CCDC57: variants seen among roughly 807,000 people sequenced by gnomAD.
CCDC57 encodes coiled-coil domain containing 57.
Under a neutral mutation model 118.9 loss-of-function variants are expected in CCDC57, and 118 were observed. That is an observed-to-expected ratio of 0.99 (90% CI 0.86 to 1.16). CCDC57 has a LOEUF of 1.16. Ranked by LOEUF, CCDC57 falls within the 50% of genes most tolerant of loss-of-function variation. The probability of loss-of-function intolerance (pLI) is 0.00; values close to 1 mark genes in which losing one functional copy is unlikely to be tolerated. For synonymous variants in CCDC57, 527 were observed against 532.9 expected (o/e 0.99, Z 0.15); for missense variants, 1,300 against 1,320.7 (o/e 0.98, Z 0.24).
rs540414564 is a variant in CCDC57 at position 82,192,409 on chromosome 17, G to A, written c.851+1347C>T. 6.6e-6 allele frequency among the ~76,000 whole-genome samples: 1 copy of A among 152,206 alleles called. No homozygotes were observed. Among genetic ancestry groups the A allele is most frequent in the Non-Finnish European group, 1.5e-5 (1 of 68,038 alleles). ...TTCTAAGTAGTTAAGTTTTTGGGGA[G>A]TGAAAAGTTATATGTGAATTTTTGA... On this transcript the variant is annotated intron_variant, in intron 7 of 19. Transcript: ENST00000665763. This position sits in a 1 kb window ranked among gnomAD's most constrained non-coding sequence, Gnocchi z 4.0.
intron 15 of CCDC57, 67 bp downstream of exon 14, chr17:82,157,681 C>A (rs1454756002): frequency 1.3e-6 from 2 of 1,515,272 alleles, no homozygotes; most frequent in African/African-American, 2.8e-5. Context: ...GCTGGCAGAG[C>A]ACAGGCAAGG....
chr17:82,113,996 A>G (rs1266640783), intron 19 of CCDC57, among the ~76,000 whole-genome samples: 1 of 152,166 alleles, frequency 6.6e-6, no homozygotes, highest in African/African-American at 2.4e-5. Flanking sequence ...TTGGTCTTGC[A>G]GCTATGTTGG....
chr17:82,103,306 G>GTCACACAT (rs1352123102), intron 19 of CCDC57, among the ~76,000 whole-genome samples: 2 of 152,022 alleles, frequency 1.3e-5, no homozygotes, highest in Non-Finnish European at 2.9e-5. Flanking sequence ...GGGTCACACA[G>GTCACACAT]TCCCTGGCCC....
At chr17:82,210,866 C>G (rs1406426651) in intron 1 of CCDC57, among the ~76,000 whole-genome samples, 1 of 149,554 alleles carries the variant, frequency 6.7e-6, no homozygotes, top group Non-Finnish European at 1.5e-5. Context: ...TGGTGGTGGG[C>G]GGCTGTAATC....
rs774404468 is a variant in CCDC57, at chr17:82,179,192, A to G, written c.1212-3T>C. 1 of 1,612,606 alleles carries G rather than the reference A, an allele frequency of 6.2e-7. No individual in the cohort carries two copies. The highest frequency in any genetic ancestry group is 1.1e-5 in the South Asian group (1 of 90,940). On this transcript the variant is annotated splice_region_variant and splice_polypyrimidine_tract_variant and intron_variant, in intron 9 of 19. Coordinates refer to ENST00000665763, the Ensembl canonical transcript of CCDC57. ...CCAGGGACAGCTGTTGCTTGTACCT[A>G]AGGACACGTCCAACCGCTCAGCATT... is the stretch of plus-strand genomic sequence containing the variant.
intron 2 of CCDC57, among the ~76,000 whole-genome samples, chr17:82,203,008 C>T (rs7225560): frequency 6.6e-6 from 1 of 151,980 alleles, no homozygotes; most frequent in Non-Finnish European, 1.5e-5. Flanking sequence ...GATATGGTTT[C>T]GATATTTATC....
At chr17:82,130,338 T>A (rs970161601) in intron 17 of CCDC57, among the ~76,000 whole-genome samples, 5 of 151,160 alleles carry the variant, frequency 3.3e-5, no homozygotes, top group African/African-American at 1.2e-4. Context: ...GGATTACAGA[T>A]GCCCACCCCC....
exon 18 of CCDC57, chr17:82,128,573 C>T (rs1183174184): frequency 1.3e-6 from 2 of 1,569,826 alleles, no homozygotes; most frequent in East Asian, 2.3e-5. Flanking sequence ...CTGGAAGGAG[C>T]CTCATCCTCG....
intron 15 of CCDC57, among the ~76,000 whole-genome samples, chr17:82,153,260 C>T (rs922409034): frequency 1.3e-5 from 2 of 152,144 alleles, no homozygotes; most frequent in Non-Finnish European, 2.9e-5. Flanking sequence ...AGGTGAGACT[C>T]GCAAGTCCGG....
At position 82,172,509 on chromosome 17, in the gene CCDC57, G is replaced by A; in HGVS notation, c.1729+129C>T. On this transcript the variant is annotated intron_variant, in intron 12 of 19. Coordinates refer to ENST00000665763, the Ensembl canonical transcript of CCDC57. The surrounding 1 kb of genome is among the most constrained non-coding windows in gnomAD (Gnocchi z 5.2). ...TTTTCATACTTTGAGTTTATTACAG[G>A]GGATGTTAACTTATAGGACTCTGAA... The A allele has an allele frequency of 1.4e-6, 1 of 726,854 alleles. No homozygotes were observed. The highest frequency in any genetic ancestry group is 1.7e-5 in the South Asian group (1 of 60,268). 45.0% of individuals were successfully genotyped at this position (726,854 alleles called of 1,614,324 possible).
At chr17:82,127,740 G>C in exon 19 of CCDC57, 1 of 1,611,546 alleles carries the variant, frequency 6.2e-7, no homozygotes. Flanking sequence ...CTGGATCCCA[G>C]GTCTAGCAAC....
intron 19 of CCDC57, among the ~76,000 whole-genome samples, chr17:82,107,127 C>T (rs1323013801): frequency 6.6e-6 from 1 of 152,240 alleles, no homozygotes; most frequent in Non-Finnish European, 1.5e-5. Context: ...TTATCAGCTG[C>T]CCGACCTGCT....
intron 14 of CCDC57, among the ~76,000 whole-genome samples, chr17:82,159,862 G>A (rs2043112654): frequency 6.6e-6 from 1 of 151,924 alleles, no homozygotes; most frequent in Admixed American, 6.6e-5. Context: ...AGTAGACACA[G>A]AGTTCATCAT....
chr17:82,189,902 G>A (rs1015337504), intron 7 of CCDC57, among the ~76,000 whole-genome samples: 7 of 151,932 alleles, frequency 4.6e-5, no homozygotes, highest in African/African-American at 1.5e-4. Context: ...CCCAGCTACT[G>A]GGGAGGCCGA....
chr17:82,143,812 C>T (rs1356865477), intron 16 of CCDC57, among the ~76,000 whole-genome samples: 1 of 151,846 alleles, frequency 6.6e-6, no homozygotes, highest in Admixed American at 6.6e-5. Flanking sequence ...AAAACAGCTT[C>T]CCCAGGCCGG....
chr17:82,119,154 C>T (rs887849522), intron 19 of CCDC57, among the ~76,000 whole-genome samples: 2 of 145,584 alleles, frequency 1.4e-5, no homozygotes, highest in Non-Finnish European at 3.0e-5. Context: ...AGAAATTAGT[C>T]GTATTTTGAT....
intron 18 of CCDC57, among the ~76,000 whole-genome samples, chr17:82,128,167 T>C (rs1329798028): frequency 6.6e-6 from 1 of 151,908 alleles, no homozygotes; most frequent in South Asian, 2.1e-4. Context: ...TGACAAAACA[T>C]GTCTAGGGCA....
intron 15 of CCDC57, chr17:82,152,225 G>A: frequency 5.3e-6 from 1 of 188,000 alleles, no homozygotes; most frequent in Non-Finnish European, 1.1e-5. Flanking sequence ...AGAGAAGGCT[G>A]TGGCCTCTAG....
chr17:82,193,795 T>C, exon 7 of CCDC57: 1 of 1,601,422 alleles, frequency 6.2e-7, no homozygotes, highest in Non-Finnish European at 8.5e-7. Flanking sequence ...CCTGGTTAGC[T>C]GCACAGAGTG....
Sources: allele counts gnomAD v4.1 joint callset (sites outside exome capture counted in the v4.1 genomes callset), GRCh38; gene constraint gnomAD v4.1.1; non-coding constraint Gnocchi (gnomAD v3.1); transcripts MANE v1.5; gene names NCBI Gene and HGNC (gene_info 2026-07-23, HGNC 2026-07-21).